Variants in CSMD3 observed in about 807,000 individuals in gnomAD.
CSMD3 encodes CUB and sushi domain-containing protein 3.
CSMD3 carries 177 observed loss-of-function variants against 435.2 expected under a neutral mutation model. That is an observed-to-expected ratio of 0.41 (90% CI 0.36 to 0.46). The LOEUF (loss-of-function observed/expected upper bound fraction) is 0.46, where lower values mean the gene tolerates loss of function less well. Ranked by LOEUF, CSMD3 falls within the 20% of genes least tolerant of loss-of-function variation. CSMD3 has a pLI of 0.34. For synonymous variants in CSMD3, 1,656 were observed against 1,520.5 expected (o/e 1.09, Z -2.07); for missense variants, 4,265 against 4,504.6 (o/e 0.95, Z 1.52).
Position 113,113,510 on chromosome 8 carries a change from G to A in CSMD3, c.710-14547C>T, listed in dbSNP as rs545792716. Among the ~76,000 whole-genome samples the A allele has an allele frequency of 4.9e-3, 752 of 152,296 alleles. 1 individual carries two copies. The highest frequency in any genetic ancestry group is 7.3e-3 in the Non-Finnish European group (498 of 68,012). On this transcript the variant is annotated intron_variant, in intron 4 of 70. Coordinates refer to ENST00000297405, the MANE Select transcript of CSMD3 (RefSeq NM_198123.2). ...CAACAAATAATGTTTTTAAAGGCTA[G>A]GTTTAGATGTGATTTAAGTCACATT...
At chr8:112,794,285 C>CTTTTTTTTT (rs1203991072) in intron 13 of CSMD3, among the ~76,000 whole-genome samples, 2 of 96,302 alleles carry the variant, frequency 2.1e-5, no homozygotes, top group Non-Finnish European at 4.1e-5. Context: ...GACTGATAAA[C>CTTTTTTTTT]TTTTTTTTTT....
chr8:112,399,144 T>C (rs1831105986), intron 35 of CSMD3, among the ~76,000 whole-genome samples: 1 of 152,088 alleles, frequency 6.6e-6, no homozygotes, highest in African/African-American at 2.4e-5. Context: ...TCTCAAATTC[T>C]TGACTTCACG....
Position 112,380,434 on chromosome 8 carries a change from C to G in CSMD3, c.6054G>C (p.Leu2018Phe). The stretch of plus-strand genomic sequence containing the variant: ...GATACAGATTATTAGACGTACTATT[C>G]AAAAGATGGGGTATTGTTGTTCCTG... ...SYSGTTIPHL[L>F]NSTSNNLYLN... The change falls in exon 38 of 71, where the codon TTG (leucine) becomes TTC (phenylalanine). Residue 2018 changes from leucine (L) to phenylalanine (F), a missense_variant. Physicochemically the swap from Leu to Phe is conservative, Grantham distance 22. Coordinates refer to ENST00000297405, the MANE Select transcript of CSMD3 (RefSeq NM_198123.2). 6.3e-7 allele frequency: 1 copy of G among 1,584,428 alleles called. No individual in the cohort carries two copies. Among genetic ancestry groups the G allele is most frequent in the Non-Finnish European group, 8.7e-7 (1 of 1,153,552 alleles).
At chr8:112,596,677 C>G (rs1210073267) in intron 22 of CSMD3, among the ~76,000 whole-genome samples, 1 of 151,982 alleles carries the variant, frequency 6.6e-6, no homozygotes, top group African/African-American at 2.4e-5. Flanking sequence ...TCTCAGACCA[C>G]AGTGCAATCA....
intron 27 of CSMD3, among the ~76,000 whole-genome samples, chr8:112,543,980 C>T (rs529443526): frequency 5.3e-5 from 8 of 152,128 alleles, no homozygotes; most frequent in Admixed American, 5.2e-4. Flanking sequence ...AGAAACACAA[C>T]TACTGCATGA....
intron 61 of CSMD3, among the ~76,000 whole-genome samples, chr8:112,259,114 A>T (rs2130327633): frequency 6.6e-6 from 1 of 152,294 alleles, no homozygotes; most frequent in Non-Finnish European, 1.5e-5. Flanking sequence ...AAGGATTATA[A>T]ATCATTCTAC....
chr8:112,703,148 A>T (rs1290393924), intron 13 of CSMD3, among the ~76,000 whole-genome samples: 1 of 152,178 alleles, frequency 6.6e-6, no homozygotes, highest in African/African-American at 2.4e-5. Context: ...CTCCACTGTC[A>T]GCTAAATATC....
chr8:112,513,418 C>G lies in CSMD3; in HGVS notation c.4756+3616G>C, dbSNP rs142020234. On this transcript the variant is annotated intron_variant, in intron 28 of 70. Transcript: ENST00000297405. ...AAGGAAAGAGAGAGACATGGAGGAA[C>G]AGTCAGTTAGGGGAGCACTCAAAAC... Among the ~76,000 whole-genome samples the G allele has an allele frequency of 2.7e-3, 406 of 152,250 alleles. 5 individuals are homozygous for G. Among genetic ancestry groups the G allele is most frequent in the East Asian group, 9.6e-3 (50 of 5,184 alleles).
intron 5 of CSMD3, among the ~76,000 whole-genome samples, chr8:113,080,835 T>C (rs2089534495): frequency 6.6e-6 from 1 of 152,186 alleles, no homozygotes; most frequent in African/African-American, 2.4e-5. Flanking sequence ...ACTCACGATA[T>C]TTTTACATTC....
At position 113,206,065 on chromosome 8, in the gene CSMD3, A is replaced by G. The variant is rs193204224; in HGVS notation, c.515-32149T>C. Among the ~76,000 whole-genome samples the G allele has an allele frequency of 3.1e-4, 47 of 152,182 alleles. No homozygotes were observed. In the East Asian group the frequency reaches 8.9e-3, roughly 29 times the overall value. On this transcript the variant is annotated intron_variant, in intron 3 of 70. Transcript: ENST00000297405. Reference sequence around the variant, plus strand: ...TATCAACAGCTGTTTTTGCACTACAAGGGTAGAGCTGGTAAGTTGTAATGG... The same window carrying G: ...TATCAACAGCTGTTTTTGCACTACAGGGGTAGAGCTGGTAAGTTGTAATGG...
Position 113,220,131 on chromosome 8 carries a change from T to C in CSMD3, c.515-46215A>G, listed in dbSNP as rs1033382286. On this transcript the variant is annotated intron_variant, in intron 3 of 70. Transcript: ENST00000297405. Reference sequence around the variant, plus strand: ...TTAATAAAATACTCTGTTAGTGAGGTTGTAGGAAACAGGCACTCTTACAAA... The same window carrying C: ...TTAATAAAATACTCTGTTAGTGAGGCTGTAGGAAACAGGCACTCTTACAAA... Among the ~76,000 whole-genome samples, 3 of 151,560 alleles carry C rather than the reference T, an allele frequency of 2.0e-5. No homozygotes were observed. The South Asian group carries it at 6.2e-4, about 31-fold the overall frequency.
intron 12 of CSMD3, 67 bp from the exon 13 acceptor site, chr8:112,800,341 G>A: frequency 9.8e-7 from 1 of 1,018,556 alleles, no homozygotes; most frequent in Admixed American, 1.7e-5. Flanking sequence ...CAAATTATAA[G>A]ACAGATGTGT....
intron 28 of CSMD3, among the ~76,000 whole-genome samples, chr8:112,514,020 T>C (rs1251790891): frequency 6.6e-6 from 1 of 152,122 alleles, no homozygotes; most frequent in Non-Finnish European, 1.5e-5. Flanking sequence ...ATTATTTAGA[T>C]ATAAGATTCT....
At chr8:113,136,166 G>A (rs1253011928) in intron 4 of CSMD3, among the ~76,000 whole-genome samples, 1 of 151,762 alleles carries the variant, frequency 6.6e-6, no homozygotes, top group South Asian at 2.1e-4. Context: ...CTGGTAGTGG[G>A]AAGCAGTGCT....
At chr8:112,943,896 T>C (rs2083525758) in intron 9 of CSMD3, among the ~76,000 whole-genome samples, 1 of 151,742 alleles carries the variant, frequency 6.6e-6, no homozygotes, top group African/African-American at 2.4e-5. Context: ...GTTTCTAATC[T>C]GTATGCCTGA....
At chr8:112,890,488 A>G (rs1197674257) in intron 10 of CSMD3, among the ~76,000 whole-genome samples, 2 of 151,666 alleles carry the variant, frequency 1.3e-5, no homozygotes, top group African/African-American at 4.8e-5. Context: ...ATTGTAGGAA[A>G]AATATGTCAT....
chr8:112,378,668 G>A (rs1440703551), intron 38 of CSMD3, among the ~76,000 whole-genome samples: 1 of 152,042 alleles, frequency 6.6e-6, no homozygotes, highest in Non-Finnish European at 1.5e-5. Flanking sequence ...TGGAAGGCAG[G>A]GATGAAGAGA....
chr8:112,270,790 G>A (rs866656097), intron 59 of CSMD3, among the ~76,000 whole-genome samples: 2 of 151,954 alleles, frequency 1.3e-5, no homozygotes, highest in Admixed American at 6.6e-5. Flanking sequence ...CATTACTCAG[G>A]AGGAACTAAG....
chr8:112,719,636 A>T (rs1180475361), intron 13 of CSMD3, among the ~76,000 whole-genome samples: 1 of 152,104 alleles, frequency 6.6e-6, no homozygotes, highest in Non-Finnish European at 1.5e-5. Context: ...CCCGTCTCCA[A>T]ATACTATCAT....
Sources: gnomAD v4.1 joint callset for allele counts (sites outside exome capture counted in the v4.1 genomes callset) on GRCh38, gnomAD v4.1.1 for gene constraint, MANE v1.5 for transcripts, NCBI Gene and HGNC (gene_info 2026-07-23, HGNC 2026-07-21) for gene names.